Variants in CTNNA3 observed in about 807,000 individuals in gnomAD.
CTNNA3 encodes the protein catenin alpha-3.
Under a neutral mutation model 95.7 loss-of-function variants are expected in CTNNA3, and 76 were observed. That is an observed-to-expected ratio of 0.79 (90% CI 0.66 to 0.96). CTNNA3 has a LOEUF of 0.96. Among genes scored for constraint, CTNNA3 ranks in the 40% least tolerant of loss-of-function variants. The probability of loss-of-function intolerance (pLI) is 0.00; values close to 1 mark genes in which losing one functional copy is unlikely to be tolerated. For missense variants in CTNNA3, 1,191 were observed against 1,089.8 expected (o/e 1.09, Z -1.31); for synonymous variants, 431 against 374.4 (o/e 1.15, Z -1.74).
At chr10:66,397,249 T>C (rs1012133877) in intron 11 of CTNNA3, among the ~76,000 whole-genome samples, 1 of 151,740 alleles carries the variant, frequency 6.6e-6, no homozygotes, top group African/African-American at 2.4e-5. Context: ...AAGATACTAT[T>C]AAAATTATAC....
At chr10:65,988,941 T>G in intron 15 of CTNNA3, 144 bp from the exon 16 acceptor site, 1 of 598,094 alleles carries the variant, frequency 1.7e-6, no homozygotes, top group Admixed American at 2.9e-5. Context: ...CGGCTATTGT[T>G]TTTGTGATTG....
intron 11 of CTNNA3, among the ~76,000 whole-genome samples, chr10:66,422,755 T>A (rs2093206362): frequency 6.6e-6 from 1 of 152,136 alleles, no homozygotes; most frequent in African/African-American, 2.4e-5. Flanking sequence ...TTTTTTTTCT[T>A]TTTTTCTTGA....
At chr10:66,431,673 C>T (rs565088825) in intron 11 of CTNNA3, among the ~76,000 whole-genome samples, 76 of 147,870 alleles carry the variant, frequency 5.1e-4, no homozygotes, top group Non-Finnish European at 8.1e-4. Flanking sequence ...CGCATTTTCT[C>T]ACTCACAGGT....
At chr10:67,737,820 G>C (rs977566842) in intron 1 of CTNNA3, among the ~76,000 whole-genome samples, 2 of 152,148 alleles carry the variant, frequency 1.3e-5, no homozygotes, top group East Asian at 1.9e-4. Flanking sequence ...CTGTAAACTA[G>C]TTCAACCATT....
chr10:67,100,391 A>T (rs982159114), intron 7 of CTNNA3, among the ~76,000 whole-genome samples: 1 of 151,522 alleles, frequency 6.6e-6, no homozygotes, highest in East Asian at 1.9e-4. Flanking sequence ...GATTATTATT[A>T]TTTTTGCTTA....
chr10:66,822,308 A>G (rs1356720243), intron 7 of CTNNA3, among the ~76,000 whole-genome samples: 3 of 152,106 alleles, frequency 2.0e-5, no homozygotes, highest in Admixed American at 1.3e-4. Context: ...TTAATCGATC[A>G]TGGCATTCTT....
chr10:66,978,552 A>AAAAAATATAT, intron 7 of CTNNA3, among the ~76,000 whole-genome samples: 1 of 37,866 alleles, frequency 2.6e-5, no homozygotes, highest in African/African-American at 8.7e-5. Context: ...AAAAAAAAAA[A>AAAAAATATAT]ATATATATAT....
At chr10:66,180,799 T>C (rs1301449345) in intron 13 of CTNNA3, among the ~76,000 whole-genome samples, 2 of 152,088 alleles carry the variant, frequency 1.3e-5, no homozygotes, top group African/African-American at 4.8e-5. Flanking sequence ...CCTAAAACAA[T>C]AGAGAGTGCT....
intron 10 of CTNNA3, among the ~76,000 whole-genome samples, chr10:66,540,678 T>G (rs1841819632): frequency 6.6e-6 from 1 of 151,166 alleles, no homozygotes; most frequent in South Asian, 2.1e-4. Flanking sequence ...TCTTCCTTTC[T>G]TCCTTTCTTC....
intron 9 of CTNNA3, among the ~76,000 whole-genome samples, chr10:66,655,837 C>A (rs892855012): frequency 6.6e-6 from 1 of 152,042 alleles, no homozygotes; most frequent in Non-Finnish European, 1.5e-5. Flanking sequence ...ATTTTAGGAG[C>A]AGTGATAGGT....
intron 13 of CTNNA3, among the ~76,000 whole-genome samples, chr10:66,248,592 C>T (rs1240781467): frequency 5.3e-5 from 8 of 151,890 alleles, no homozygotes; most frequent in Non-Finnish European, 1.2e-4. Context: ...GTAAGAGTTG[C>T]TATACTTATA....
At chr10:66,374,190 G>A (rs1239117300) in intron 12 of CTNNA3, among the ~76,000 whole-genome samples, 1 of 152,162 alleles carries the variant, frequency 6.6e-6, no homozygotes, top group Non-Finnish European at 1.5e-5. Context: ...CTGTCTTTAA[G>A]GACATTACAA....
intron 13 of CTNNA3, among the ~76,000 whole-genome samples, chr10:66,167,764 G>A (rs1355338362): frequency 1.3e-5 from 2 of 152,128 alleles, no homozygotes; most frequent in Non-Finnish European, 2.9e-5. Context: ...GAGTGAAGGA[G>A]AGAAGAAAGG....
At chr10:67,031,858 T>C (rs1358411055) in intron 7 of CTNNA3, among the ~76,000 whole-genome samples, 1 of 152,206 alleles carries the variant, frequency 6.6e-6, no homozygotes, top group East Asian at 1.9e-4. Context: ...TTGAGCAGCC[T>C]CTTTTATTGG....
chr10:67,573,897 A>G (rs7922407), intron 3 of CTNNA3, among the ~76,000 whole-genome samples: 1,905 of 152,312 alleles, frequency 0.013, 23 homozygotes, highest in Non-Finnish European at 0.019. Context: ...GTTTTAGGAA[A>G]GTAAATGAGA....
chr10:66,845,720 A>AC (rs1160226119), intron 7 of CTNNA3, among the ~76,000 whole-genome samples: 1 of 132,422 alleles, frequency 7.6e-6, no homozygotes, highest in African/African-American at 2.8e-5. Flanking sequence ...AAAAAAAAAA[A>AC]AAAAAAAAAC....
In CTNNA3 at chr10:67,727,429, C is replaced by G. The variant is rs193185151; in HGVS notation, c.-2+36005G>C. ...ATACGTAAGCTGTAACTTCAAGTGA[C>G]TAGAATTTTCTATATATTATATATC... On this transcript the variant is annotated intron_variant, in intron 1 of 17. Transcript: ENST00000684154. Among the ~76,000 whole-genome samples, 574 of 129,426 alleles carry G rather than the reference C, an allele frequency of 4.4e-3. 1 individual carries two copies. Among genetic ancestry groups the G allele is most frequent in the Non-Finnish European group, 7.3e-3 (467 of 63,720 alleles). 84.9% of individuals were successfully genotyped at this position (129,426 alleles called of 152,430 possible). A position where few individuals can be genotyped will look rare whatever the true frequency, so the allele number is the denominator to read the frequency against.
intron 7 of CTNNA3, among the ~76,000 whole-genome samples, chr10:66,970,602 G>A (rs760905810): frequency 1.3e-5 from 2 of 151,932 alleles, no homozygotes; most frequent in African/African-American, 2.4e-5. Context: ...AAAGAGGAAG[G>A]TATAGAAATT....
intron 17 of CTNNA3, among the ~76,000 whole-genome samples, chr10:65,965,096 C>T (rs2077928515): frequency 6.6e-6 from 1 of 152,078 alleles, no homozygotes; most frequent in East Asian, 1.9e-4. Context: ...TATTTTTCCC[C>T]CTCTAACAAC....
Sources: gnomAD v4.1 joint callset for allele counts (sites outside exome capture counted in the v4.1 genomes callset) on GRCh38, gnomAD v4.1.1 for gene constraint, MANE v1.5 for transcripts, NCBI Gene and HGNC (gene_info 2026-07-23, HGNC 2026-07-21) for gene names.